The following GALNT18 variants were observed in gnomAD, a reference collection of about 807,000 sequenced individuals.
GALNT18 encodes the protein polypeptide N-acetylgalactosaminyltransferase 18.
In GALNT18, 44 loss-of-function variants were observed where a neutral mutation model predicts 69.5. The observed-to-expected ratio is 0.63, with a 90% confidence interval of 0.50 to 0.81. The LOEUF (loss-of-function observed/expected upper bound fraction) is 0.81. GALNT18 is among the 40% of genes least tolerant of loss of function. The pLI is 0.00. For synonymous variants in GALNT18, 364 were observed against 318.2 expected, an observed-to-expected ratio of 1.14 and a Z score of -1.53; for missense variants, 715 against 810.0, an observed-to-expected ratio of 0.88 and a Z score of 1.42.
chr11:11,509,333 T>G (rs146690303), intron 1 of GALNT18, among the ~76,000 whole-genome samples: 1 of 152,286 alleles, frequency 6.6e-6, no homozygotes, highest in East Asian at 1.9e-4. Flanking sequence ...ATTTAAGTAG[T>G]TATCATGGGA....
At chr11:11,273,917 C>T (rs890509520) in intron 10 of GALNT18, among the ~76,000 whole-genome samples, 7 of 152,068 alleles carry the variant, frequency 4.6e-5, no homozygotes, top group African/African-American at 7.2e-5. Flanking sequence ...GGAATAGCTC[C>T]GGTCTGCAGC....
intron 9 of GALNT18, among the ~76,000 whole-genome samples, chr11:11,324,954 T>C (rs777593495): frequency 6.6e-6 from 1 of 152,208 alleles, no homozygotes; most frequent in Non-Finnish European, 1.5e-5. Context: ...TGGATATTCC[T>C]TCAAGAACTG....
At chr11:11,310,301 C>T (rs1849647884) in intron 9 of GALNT18, among the ~76,000 whole-genome samples, 1 of 152,222 alleles carries the variant, frequency 6.6e-6, no homozygotes, top group Non-Finnish European at 1.5e-5. Context: ...CTGGCTCATT[C>T]CATTTTGTAA....
At position 11,616,184 on chromosome 11, in the gene GALNT18, A is replaced by G. The variant is rs1230730324; in HGVS notation, c.235+5175T>C. 6.6e-6 allele frequency among the ~76,000 whole-genome samples: 1 copy of G among 152,204 alleles called. No individual in the cohort carries two copies. Among genetic ancestry groups the G allele is most frequent in the African/African-American group, 2.4e-5 (1 of 41,452 alleles). ...AATAAGCAAGGACACAAATAGTCCC[A>G]CAAGATAAAACAAATACCAGGGGTG... On this transcript the variant is annotated intron_variant, in intron 1 of 10. Coordinates refer to ENST00000227756, the MANE Select transcript of GALNT18 (RefSeq NM_198516.3). The surrounding 1 kb of genome is among the most constrained non-coding windows in gnomAD (Gnocchi z 4.4).
chr11:11,380,996 G>A (rs755108369), intron 3 of GALNT18, among the ~76,000 whole-genome samples: 11 of 152,138 alleles, frequency 7.2e-5, no homozygotes, highest in African/African-American at 1.2e-4. Flanking sequence ...GAGAAAACTC[G>A]ACTGACTTCT....
At chr11:11,398,497 G>A (rs1344611960) in intron 3 of GALNT18, among the ~76,000 whole-genome samples, 1 of 152,194 alleles carries the variant, frequency 6.6e-6, no homozygotes, top group East Asian at 1.9e-4. Flanking sequence ...CAAATTCAGA[G>A]GCTTTATGGT....
At chr11:11,504,184 T>C (rs1254707822) in intron 1 of GALNT18, among the ~76,000 whole-genome samples, 1 of 152,154 alleles carries the variant, frequency 6.6e-6, no homozygotes, top group Non-Finnish European at 1.5e-5. Flanking sequence ...TCAGTAAGTA[T>C]GTGCTAAGTA....
intron 3 of GALNT18, among the ~76,000 whole-genome samples, chr11:11,390,568 T>C (rs563289534): frequency 1.3e-5 from 2 of 152,278 alleles, no homozygotes; most frequent in South Asian, 2.1e-4. Flanking sequence ...GCTCAGGCTG[T>C]GTGACCAGGG....
At chr11:11,489,041 G>C (rs1394096241) in intron 1 of GALNT18, among the ~76,000 whole-genome samples, 2 of 152,238 alleles carry the variant, frequency 1.3e-5, no homozygotes, top group African/African-American at 4.8e-5. Flanking sequence ...CCACTGCTGT[G>C]GAGTATGATC....
intron 1 of GALNT18, among the ~76,000 whole-genome samples, chr11:11,569,217 G>T (rs2133994086): frequency 6.7e-6 from 1 of 148,968 alleles, no homozygotes; most frequent in Admixed American, 6.7e-5. Flanking sequence ...ATTTCTCCAA[G>T]GTGATTATTA....
intron 9 of GALNT18, among the ~76,000 whole-genome samples, chr11:11,322,722 G>T (rs537248690): frequency 6.6e-6 from 1 of 152,220 alleles, no homozygotes; most frequent in Non-Finnish European, 1.5e-5. Context: ...AACAATTTTG[G>T]AAAATTGTTT....
At chr11:11,612,061 T>G (rs1342428912) in intron 1 of GALNT18, among the ~76,000 whole-genome samples, 1 of 152,176 alleles carries the variant, frequency 6.6e-6, no homozygotes, top group East Asian at 1.9e-4. Flanking sequence ...TCCTCCTTCC[T>G]ATTCTGTAGA....
chr11:11,394,708 C>T (rs1395701187), intron 3 of GALNT18, among the ~76,000 whole-genome samples: 1 of 152,202 alleles, frequency 6.6e-6, no homozygotes, highest in African/African-American at 2.4e-5. Context: ...GGGCCCTGGC[C>T]CATTGCTCGA....
In GALNT18 at chr11:11,383,831, CTCTCTCTCTG is replaced by C. The variant is rs1205020454; in HGVS notation, c.596-4577_596-4568del. Among the ~76,000 whole-genome samples the C allele has an allele frequency of 1.3e-5, 2 of 151,606 alleles. No homozygotes were observed. The highest frequency in any genetic ancestry group is 4.8e-5 in the African/African-American group (2 of 41,244). ...TGTGGCACTTCCTCTCTCTCTCTCT[CTCTCTCTCTG>C]TCTCTCTCTCCCTCTCTCTCCTGCC... On this transcript the variant is annotated intron_variant, in intron 3 of 10. Transcript: ENST00000227756. This position sits in a 1 kb window ranked among gnomAD's most constrained non-coding sequence, Gnocchi z 5.2.
chr11:11,354,799 T>C (rs1850492546), intron 6 of GALNT18, among the ~76,000 whole-genome samples: 1 of 152,084 alleles, frequency 6.6e-6, no homozygotes, highest in Admixed American at 6.6e-5. Flanking sequence ...ATCTCAACCT[T>C]ACCATGTCCA....
At chr11:11,452,180 C>T (rs375453483) in intron 1 of GALNT18, among the ~76,000 whole-genome samples, 5 of 152,346 alleles carry the variant, frequency 3.3e-5, no homozygotes, top group Middle Eastern at 3.4e-3. Context: ...TCTCTGAACT[C>T]TATTTAATTT....
At chr11:11,556,519 T>C (rs1858336684) in intron 1 of GALNT18, among the ~76,000 whole-genome samples, 1 of 152,182 alleles carries the variant, frequency 6.6e-6, no homozygotes, top group African/African-American at 2.4e-5. Context: ...AAAGTAGAAC[T>C]AAATACAAAA....
rs571257834 is a variant in GALNT18, at chr11:11,439,668, T to C, written c.429-6881A>G. Among the ~76,000 whole-genome samples the C allele has an allele frequency of 6.6e-6, 1 of 152,326 alleles. No individual in the cohort carries two copies. Among genetic ancestry groups the C allele is most frequent in the East Asian group, 1.9e-4 (1 of 5,188 alleles). The stretch of plus-strand genomic sequence containing the variant: ...GTATCCCTAATACTGGGTATGAAGT[T>C]CAGCACAGAGTAGAAATTCAGAATG... On this transcript the variant is annotated intron_variant, in intron 2 of 10. Coordinates refer to ENST00000227756, the MANE Select transcript of GALNT18 (RefSeq NM_198516.3). This position sits in a 1 kb window ranked among gnomAD's most constrained non-coding sequence, Gnocchi z 4.4.
intron 1 of GALNT18, among the ~76,000 whole-genome samples, chr11:11,487,502 C>G (rs1233324392): frequency 6.6e-6 from 1 of 152,114 alleles, no homozygotes; most frequent in Non-Finnish European, 1.5e-5. Flanking sequence ...TAAAATATAT[C>G]CAGTGAATAT....
Sources: gnomAD v4.1 joint callset for allele counts (sites outside exome capture counted in the v4.1 genomes callset) on GRCh38, gnomAD v4.1.1 for gene constraint, Gnocchi (gnomAD v3.1) non-coding constraint, MANE v1.5 for transcripts, NCBI Gene and HGNC (gene_info 2026-07-23, HGNC 2026-07-21) for gene names.